Variants in TUT4 observed in about 807,000 individuals in gnomAD.
TUT4 encodes the protein terminal uridylyl transferase 4, also known as terminal uridylyltransferase 4.
TUT4 carries 36 observed loss-of-function variants against 192.2 expected under a neutral mutation model. The ratio of observed to expected loss-of-function variants is 0.19; its 90% CI spans 0.14 to 0.25. TUT4 has a LOEUF of 0.25. Ranked by LOEUF, TUT4 falls within the 10% of genes least tolerant of loss-of-function variation. The pLI is 1.00. For synonymous variants in TUT4, 618 were observed against 666.0 expected, an observed-to-expected ratio of 0.93 and a Z score of 1.11; for missense variants, 1,493 against 1,957.2, an observed-to-expected ratio of 0.76 and a Z score of 4.47.
At chr1:52,476,567 G>C (rs1272059360) in intron 12 of TUT4, among the ~76,000 whole-genome samples, 1 of 151,934 alleles carries the variant, frequency 6.6e-6, no homozygotes, top group East Asian at 1.9e-4. Flanking sequence ...TGGGGCATCT[G>C]TTACTTTTTG....
At chr1:52,436,733 A>G (rs1553158264) in intron 26 of TUT4, 22 bp downstream of exon 26, 10 of 1,611,930 alleles carry the variant, frequency 6.2e-6, no homozygotes, top group Middle Eastern at 2.1e-4. Context: ...ACCAGAAACT[A>G]TGTTTGGCCT....
At chr1:52,484,158 G>A (rs990361992) in intron 9 of TUT4, among the ~76,000 whole-genome samples, 25 of 152,084 alleles carry the variant, frequency 1.6e-4, no homozygotes, top group African/African-American at 5.6e-4. Flanking sequence ...AGGTTACAGT[G>A]AGCTATGATG....
intron 2 of TUT4, among the ~76,000 whole-genome samples, chr1:52,524,838 T>A (rs1681288082): frequency 6.6e-6 from 1 of 152,102 alleles, no homozygotes; most frequent in South Asian, 2.1e-4. Flanking sequence ...CTTCAATGGC[T>A]TCTGAAAATA....
intron 1 of TUT4, among the ~76,000 whole-genome samples, chr1:52,535,393 C>T (rs1287477812): frequency 6.6e-6 from 1 of 152,116 alleles, no homozygotes; most frequent in Non-Finnish European, 1.5e-5. Context: ...TATTCCTTTT[C>T]ACAGCACTCT....
At chr1:52,550,839 A>G (rs1048517863) in intron 1 of TUT4, among the ~76,000 whole-genome samples, 16 of 152,180 alleles carry the variant, frequency 1.1e-4, no homozygotes, top group African/African-American at 3.9e-4. Context: ...CTGAAACTAG[A>G]AACTTTAACA....
chr1:52,511,225 G>T (rs1469916787), intron 3 of TUT4, among the ~76,000 whole-genome samples: 2 of 152,110 alleles, frequency 1.3e-5, no homozygotes, highest in African/African-American at 4.8e-5. Flanking sequence ...ATTTGCCCAA[G>T]GCAACAAGTA....
chr1:52,498,434 T>C (rs947469496), intron 4 of TUT4, among the ~76,000 whole-genome samples: 1 of 151,824 alleles, frequency 6.6e-6, no homozygotes, highest in East Asian at 2.0e-4. Flanking sequence ...TTAGTAGAGA[T>C]GGGGTTTCAC....
At chr1:52,437,987 C>CA (rs949295648) in intron 25 of TUT4, among the ~76,000 whole-genome samples, 16 of 150,218 alleles carry the variant, frequency 1.1e-4, no homozygotes, top group African/African-American at 1.5e-4. Flanking sequence ...AAAACAAAAA[C>CA]AAAAAAAAAC....
At chr1:52,426,053 T>A (rs1364221564) in intron 28 of TUT4, among the ~76,000 whole-genome samples, 1 of 152,124 alleles carries the variant, frequency 6.6e-6, no homozygotes, top group Non-Finnish European at 1.5e-5. Flanking sequence ...TAGTACATCA[T>A]GCAAAGGAAC....
rs1184264236 is a variant in TUT4, at chr1:52,445,832, C to T, written c.3777G>A (p.Arg1259=). The T allele has an allele frequency of 1.2e-6, 2 of 1,612,760 alleles. No individual in the cohort carries two copies. The highest frequency in any genetic ancestry group is 1.7e-6 in the Non-Finnish European group (2 of 1,179,452). Residue 1259 remains arginine, a synonymous_variant, in exon 24 of 30, where the codon AGG becomes AGA. Coordinates refer to ENST00000257177, the MANE Select transcript of TUT4 (RefSeq NM_001009881.3). ...NFIMKAFING[R]KLFGTPFYPL... is the part of the protein sequence containing the mutation. ...GATAAAAAGGGGTACCAAAAAGTTT[C>T]CTTCCATTGATAAATGCTTTCATGA... is the stretch of plus-strand genomic sequence containing the variant.
chr1:52,489,840 T>C (rs74080964), intron 8 of TUT4, among the ~76,000 whole-genome samples: 4,228 of 152,314 alleles, frequency 0.028, 136 homozygotes, highest in African/African-American at 0.078. Flanking sequence ...TAGATCGCCA[T>C]AGACTCATCT....
intron 2 of TUT4, among the ~76,000 whole-genome samples, chr1:52,520,163 G>A (rs998474030): frequency 5.9e-5 from 9 of 152,300 alleles, no homozygotes; most frequent in East Asian, 1.9e-4. Context: ...AAAACTATGC[G>A]GATGGAGCAG....
At chr1:52,545,454 T>C (rs1001195416) in intron 1 of TUT4, among the ~76,000 whole-genome samples, 1 of 150,844 alleles carries the variant, frequency 6.6e-6, no homozygotes, top group Admixed American at 6.6e-5. Flanking sequence ...GATAAGGGAC[T>C]AATATCCAGA....
At chr1:52,470,712 T>C (rs1468171980) in intron 14 of TUT4, among the ~76,000 whole-genome samples, 1 of 152,040 alleles carries the variant, frequency 6.6e-6, no homozygotes, top group Admixed American at 6.6e-5. Context: ...CTATCTATAG[T>C]GACAAAAGCA....
Position 52,436,852 on chromosome 1 carries a change from C to G in TUT4, c.4065G>C (p.Pro1355=), listed in dbSNP as rs140074425. 3.7e-6 allele frequency: 6 copies of G among 1,613,784 alleles called. No homozygotes were observed. The highest frequency in any genetic ancestry group is 1.3e-5 in the African/African-American group (1 of 74,896). Residue 1355 remains proline, a synonymous_variant, in exon 26 of 30, where the codon CCG becomes CCC. Coordinates refer to ENST00000257177, the MANE Select transcript of TUT4 (RefSeq NM_001009881.3). ...CACATATAAAACATCTGAGGTCTCTCGGGTCTCTAAAGTCTCGAGTATCGT... is the reference window on the plus strand; with the variant it reads ...CACATATAAAACATCTGAGGTCTCTGGGGTCTCTAAAGTCTCGAGTATCGT... ...DLHDTRDFRD[P]RDLRCFICGD...
intron 19 of TUT4, among the ~76,000 whole-genome samples, chr1:52,459,467 T>C (rs1570528073): frequency 6.6e-6 from 1 of 152,068 alleles, no homozygotes; most frequent in East Asian, 1.9e-4. Context: ...CACACGCCTG[T>C]AGTCCTGGCT....
At chr1:52,507,226 T>A (rs919210668) in intron 4 of TUT4, among the ~76,000 whole-genome samples, 5 of 152,220 alleles carry the variant, frequency 3.3e-5, no homozygotes, top group Admixed American at 1.3e-4. Context: ...AAGAGGATCA[T>A]CCACAGTTCT....
chr1:52,496,441 AT>A (rs1041144279), intron 5 of TUT4, among the ~76,000 whole-genome samples: 2 of 152,102 alleles, frequency 1.3e-5, no homozygotes, highest in African/African-American at 4.8e-5. Flanking sequence ...TGAAAGTATA[AT>A]TTATCAACTT....
chr1:52,490,342 G>T (rs1286967507), intron 8 of TUT4, among the ~76,000 whole-genome samples: 3 of 151,406 alleles, frequency 2.0e-5, no homozygotes, highest in African/African-American at 7.3e-5. Flanking sequence ...TTTTTGTGGA[G>T]ACAAGGTCTC....
Sources: allele counts gnomAD v4.1 joint callset (sites outside exome capture counted in the v4.1 genomes callset), GRCh38; gene constraint gnomAD v4.1.1; transcripts MANE v1.5; gene names NCBI Gene and HGNC (gene_info 2026-07-23, HGNC 2026-07-21).